SLC24A2: variants seen among roughly 807,000 people sequenced by gnomAD.
SLC24A2 encodes solute carrier family 24 member 2, also known as sodium/potassium/calcium exchanger 2.
SLC24A2 carries 36 observed loss-of-function variants against 62.0 expected under a neutral mutation model. That is an observed-to-expected ratio of 0.58 (90% confidence interval 0.44 to 0.77). SLC24A2 has a LOEUF of 0.77. SLC24A2 is among the 30% of genes least tolerant of loss of function. The probability of loss-of-function intolerance (pLI) is 0.00; values close to 1 mark genes in which losing one functional copy is unlikely to be tolerated. For synonymous variants in SLC24A2, 358 were observed against 294.0 expected (o/e 1.22, Z -2.23); for missense variants, 846 against 817.9 (o/e 1.03, Z -0.42).
chr9:20,293,260 C>G, the SLC24A2 span, among the ~76,000 whole-genome samples: 1 of 152,224 alleles, frequency 6.6e-6, no homozygotes, highest in Admixed American at 6.5e-5. Context: ...TAAGGGGACA[C>G]AACTCAACAC....
the SLC24A2 span, among the ~76,000 whole-genome samples, chr9:20,159,176 A>G: frequency 6.6e-6 from 1 of 151,670 alleles, no homozygotes; most frequent in Non-Finnish European, 1.5e-5. Context: ...AAAATCTTCA[A>G]CGTGCAGTAA....
chr9:19,849,305 C>A, the SLC24A2 span, among the ~76,000 whole-genome samples: 1 of 152,156 alleles, frequency 6.6e-6, no homozygotes, highest in Non-Finnish European at 1.5e-5. Flanking sequence ...TATGAAGATA[C>A]ACGTCTGTAC....
At chr9:20,023,604 T>A in the SLC24A2 span, among the ~76,000 whole-genome samples, 28 of 152,292 alleles carry the variant, frequency 1.8e-4, no homozygotes, top group African/African-American at 6.3e-4. Context: ...TCAAAGTACC[T>A]TTTCTCAGAT....
chr9:20,097,987 C>T, the SLC24A2 span, among the ~76,000 whole-genome samples: 1 of 151,568 alleles, frequency 6.6e-6, no homozygotes, highest in East Asian at 1.9e-4. Flanking sequence ...CGTGATTCGC[C>T]CGCCTCGGCC....
the SLC24A2 span, chr9:19,895,981 G>A: frequency 6.3e-7 from 1 of 1,596,978 alleles, no homozygotes; most frequent in African/African-American, 1.3e-5. Context: ...ACTCTGCTCA[G>A]GGACACAAGG....
the SLC24A2 span, among the ~76,000 whole-genome samples, chr9:20,026,303 G>A: frequency 6.6e-6 from 1 of 152,158 alleles, no homozygotes; most frequent in Non-Finnish European, 1.5e-5. Context: ...CACAGTTCCA[G>A]CCTACAGGCC....
the SLC24A2 span, among the ~76,000 whole-genome samples, chr9:20,040,068 G>C: frequency 6.6e-6 from 1 of 152,196 alleles, no homozygotes; most frequent in African/African-American, 2.4e-5. Context: ...TGATTGTTGT[G>C]AAGTATGTAA....
intron 2 of SLC24A2, among the ~76,000 whole-genome samples, chr9:19,742,928 G>A (rs1213993774): frequency 2.6e-5 from 4 of 152,084 alleles, no homozygotes; most frequent in Non-Finnish European, 5.9e-5. Flanking sequence ...TTGTTTGGAG[G>A]GAAACAATGG....
At chr9:20,190,050 G>T in the SLC24A2 span, among the ~76,000 whole-genome samples, 1 of 152,238 alleles carries the variant, frequency 6.6e-6, no homozygotes, top group African/African-American at 2.4e-5. Flanking sequence ...CATGGCAGGG[G>T]TTAATTAATT....
intron 2 of SLC24A2, among the ~76,000 whole-genome samples, chr9:19,638,482 G>C (rs577350670): frequency 6.6e-6 from 1 of 152,296 alleles, no homozygotes; most frequent in African/African-American, 2.4e-5. Context: ...ACCTGGGGGA[G>C]CTAAGGGAAT....
the SLC24A2 span, among the ~76,000 whole-genome samples, chr9:20,273,191 G>C: frequency 6.6e-6 from 1 of 152,180 alleles, no homozygotes; most frequent in Non-Finnish European, 1.5e-5. Context: ...AAATTGAGAA[G>C]ACAGCGTAAG....
chr9:20,236,951 G>C, the SLC24A2 span, among the ~76,000 whole-genome samples: 1 of 151,768 alleles, frequency 6.6e-6, no homozygotes, highest in Non-Finnish European at 1.5e-5. Flanking sequence ...ACGTGACCCA[G>C]ATCAATGAAG....
At chr9:19,887,243 T>G in the SLC24A2 span, among the ~76,000 whole-genome samples, 1 of 152,186 alleles carries the variant, frequency 6.6e-6, no homozygotes, top group Non-Finnish European at 1.5e-5. Flanking sequence ...TTTCCCCACT[T>G]TTTAATGGGG....
At chr9:20,014,409 G>C in the SLC24A2 span, among the ~76,000 whole-genome samples, 2 of 151,570 alleles carry the variant, frequency 1.3e-5, no homozygotes, top group African/African-American at 4.9e-5. Context: ...TCAGTATGTT[G>C]AAGGGATGTC....
At chr9:20,183,740 A>G in the SLC24A2 span, among the ~76,000 whole-genome samples, 1 of 152,210 alleles carries the variant, frequency 6.6e-6, no homozygotes. Flanking sequence ...CTCAAGACAT[A>G]TCTATGGTCA....
the SLC24A2 span, among the ~76,000 whole-genome samples, chr9:19,872,631 C>T: frequency 1.3e-5 from 2 of 152,098 alleles, no homozygotes; most frequent in Admixed American, 6.5e-5. Context: ...ACTCTGTGCT[C>T]CAATTCAGTT....
At chr9:20,018,811 C>G in the SLC24A2 span, among the ~76,000 whole-genome samples, 1 of 151,892 alleles carries the variant, frequency 6.6e-6, no homozygotes, top group South Asian at 2.1e-4. Flanking sequence ...TACCTATAAT[C>G]CCAACACTTT....
At chr9:20,061,578 C>T in the SLC24A2 span, among the ~76,000 whole-genome samples, 7 of 152,192 alleles carry the variant, frequency 4.6e-5, no homozygotes, top group Non-Finnish European at 7.3e-5. Flanking sequence ...TGACCCACTG[C>T]ACTCAGCCAG....
chr9:19,896,980 G>C, the SLC24A2 span, among the ~76,000 whole-genome samples: 1 of 152,128 alleles, frequency 6.6e-6, no homozygotes, highest in African/African-American at 2.4e-5. Context: ...TGGCGAGTAG[G>C]AGTTGGACTG....
Sources: allele counts gnomAD v4.1 joint callset (sites outside exome capture counted in the v4.1 genomes callset), GRCh38; gene constraint gnomAD v4.1.1; transcripts MANE v1.5; gene names NCBI Gene and HGNC (gene_info 2026-07-23, HGNC 2026-07-21).